Variants in ARL5C observed in about 807,000 individuals in gnomAD.
ARL5C encodes the protein putative ADP-ribosylation factor-like protein 5C.
A neutral mutation model predicts 20.8 loss-of-function variants in ARL5C; 21 were observed. That is an observed-to-expected ratio of 1.01 (90% CI 0.72 to 1.46). The LOEUF (loss-of-function observed/expected upper bound fraction) is 1.46, where lower values mean the gene tolerates loss of function less well. ARL5C is among the 40% of genes most tolerant of loss of function. ARL5C has a pLI of 0.00. For missense variants in ARL5C, 199 were observed against 225.1 expected (o/e 0.88, Z 0.74); for synonymous variants, 71 against 81.6 (o/e 0.87, Z 0.70).
chr17:39,157,854 GA>G (rs1387346049), intron 5 of ARL5C, among the ~76,000 whole-genome samples: 16 of 151,854 alleles, frequency 1.1e-4, no homozygotes, highest in Admixed American at 1.0e-3. Flanking sequence ...AGCACTTTGG[GA>G]GGCCGAGGCG....
At chr17:39,164,309 A>C (rs1421360387) in intron 2 of ARL5C, 1 of 152,242 alleles carries the variant, frequency 6.6e-6, no homozygotes, top group East Asian at 1.9e-4. Context: ...GCAAGAGTTT[A>C]GAAAAATGAG....
intron 5 of ARL5C, among the ~76,000 whole-genome samples, chr17:39,159,184 A>C (rs1385141906): frequency 2.2e-5 from 3 of 136,750 alleles, no homozygotes; most frequent in African/African-American, 8.4e-5. Flanking sequence ...GGTGTGTGCC[A>C]CCACATCCAG....
At chr17:39,165,591 C>A in intron 1 of ARL5C, 124 bp downstream of exon 1, 1 of 1,256,540 alleles carries the variant, frequency 8.0e-7, no homozygotes, top group South Asian at 1.4e-5. Context: ...GCGGGGCAGT[C>A]GAGGAGCGCC....
chr17:39,161,903 G>A (rs2045437187), intron 3 of ARL5C, among the ~76,000 whole-genome samples: 1 of 152,164 alleles, frequency 6.6e-6, no homozygotes, highest in Admixed American at 6.5e-5. Context: ...GGGTGTTCAT[G>A]ACTCCATTTA....
chr17:39,158,107 AGGAG>A (rs371365476), intron 5 of ARL5C, among the ~76,000 whole-genome samples: 9,641 of 117,084 alleles, frequency 0.082, 422 homozygotes, highest in Middle Eastern at 0.17. Context: ...AAGAAAGGGA[AGGAG>A]GGAGGGAGGG....
chr17:39,159,669 G>C (rs772117045), intron 5 of ARL5C, among the ~76,000 whole-genome samples: 1 of 152,190 alleles, frequency 6.6e-6, no homozygotes, highest in Non-Finnish European at 1.5e-5. Flanking sequence ...AGCTCCGTGA[G>C]GGCAGGGATT....
In ARL5C at chr17:39,165,846, G is replaced by A. The variant is rs1032788881; in HGVS notation, c.-86C>T. 3 of 1,479,682 alleles carry A rather than the reference G, an allele frequency of 2.0e-6. No individual in the cohort carries two copies. Among genetic ancestry groups the A allele is most frequent in the Admixed American group, 4.0e-5 (2 of 50,424 alleles). The allele number at this position is 1,479,682 out of a possible 1,614,324, so 91.7% of individuals were successfully genotyped here. A position where few individuals can be genotyped will look rare whatever the true frequency, so the allele number is the denominator to read the frequency against. On this transcript the variant is annotated 5_prime_UTR_variant, in exon 1 of 6. Transcript: ENST00000269586. Reference sequence around the variant, plus strand: ...CTGGTATTCGGAGCTCCGCTCCCCCGGGAGGGTCTGGCAGATTTTGCCTAC... The same window carrying A: ...CTGGTATTCGGAGCTCCGCTCCCCCAGGAGGGTCTGGCAGATTTTGCCTAC...
chr17:39,160,848 G>A lies in ARL5C; in HGVS notation c.340-106C>T, dbSNP rs892694662. 7.3e-6 allele frequency: 10 copies of A among 1,374,764 alleles called. No individual in the cohort carries two copies. The African/African-American group carries it at 1.0e-4, about 14-fold the overall frequency. The allele number at this position is 1,374,764 out of a possible 1,614,324, so 85.2% of individuals were successfully genotyped here. On this transcript the variant is annotated intron_variant, in intron 4 of 5. Transcript: ENST00000269586. Reference sequence around the variant, plus strand: ...TCCCTCTCCAGCTGTCCCAGGAAGAGAGGCCCATGCCTGGATGGGGCAGAG... The same window carrying A: ...TCCCTCTCCAGCTGTCCCAGGAAGAAAGGCCCATGCCTGGATGGGGCAGAG...
At chr17:39,160,476 C>T in intron 5 of ARL5C, 115 bp downstream of exon 5, 5 of 1,369,822 alleles carry the variant, frequency 3.7e-6, no homozygotes, top group South Asian at 1.4e-5. Flanking sequence ...TGGCTTGGCC[C>T]AGGAGCCAAC....
At chr17:39,158,107 AGGAGGGAGGGAG>A (rs371365476) in intron 5 of ARL5C, among the ~76,000 whole-genome samples, 25 of 117,196 alleles carry the variant, frequency 2.1e-4, no homozygotes, top group South Asian at 3.1e-4. Flanking sequence ...AAGAAAGGGA[AGGAGGGAGGGAG>A]GGAGGGAGGG....
chr17:39,156,895 C>T lies in ARL5C; in HGVS notation c.539G>A (p.Ter180=). The T allele has an allele frequency of 1.3e-6, 2 of 1,551,836 alleles. No homozygotes were observed. Among genetic ancestry groups the T allele is most frequent in the Non-Finnish European group, 1.7e-6 (2 of 1,146,980 alleles). Residue 180 remains the stop codon, a stop_retained_variant, in exon 6 of 6, where the codon TGA becomes TAA. Coordinates refer to ENST00000269586, the MANE Select transcript of ARL5C (RefSeq NM_001143968.1). The stretch of plus-strand genomic sequence containing the variant: ...TCTGGTTGACCTCAGACTGGAACAT[C>T]AGTTAGCAGCGGCCTGAGATTCCAT... ...QWMESQAAAN[*]
In ARL5C at chr17:39,166,086, G is replaced by A. The variant is rs2045462339; in HGVS notation, c.-326C>T. ...TGGACTGCTCCACTACCGCAAATCAGGGGAGACTCAGCACTGCGCGCGGAA... is the reference window on the plus strand; with the variant it reads ...TGGACTGCTCCACTACCGCAAATCAAGGGAGACTCAGCACTGCGCGCGGAA... On this transcript the variant is annotated 5_prime_UTR_variant, in exon 1 of 6. Transcript: ENST00000269586. 2.6e-6 allele frequency: 1 copy of A among 388,746 alleles called. No homozygotes were observed. The highest frequency in any genetic ancestry group is 4.8e-6 in the Non-Finnish European group (1 of 207,098). 24.1% of individuals were successfully genotyped at this position (388,746 alleles called of 1,614,324 possible). A position where few individuals can be genotyped will look rare whatever the true frequency, so the allele number is the denominator to read the frequency against.
Position 39,165,894 on chromosome 17 carries a change from T to C in ARL5C, c.-134A>G. The C allele has an allele frequency of 3.9e-6, 4 of 1,023,272 alleles. No individual in the cohort carries two copies. The highest frequency in any genetic ancestry group is 5.8e-6 in the Non-Finnish European group (4 of 689,086). The allele number at this position is 1,023,272 out of a possible 1,614,324, so 63.4% of individuals were successfully genotyped here. On this transcript the variant is annotated 5_prime_UTR_variant, in exon 1 of 6. Transcript: ENST00000269586. ...TACGAAGTTAGGGAAGCCCCACACG[T>C]CACCAACCTGACCTGGGAACCCTCT...
intron 5 of ARL5C, among the ~76,000 whole-genome samples, chr17:39,157,380 G>A (rs2045410531): frequency 6.6e-6 from 1 of 152,164 alleles, no homozygotes; most frequent in Admixed American, 6.5e-5. Flanking sequence ...GGTTCCCTAC[G>A]CAAGTTCCCC....
chr17:39,159,053 A>C (rs1270599254), intron 5 of ARL5C, among the ~76,000 whole-genome samples: 1 of 56,604 alleles, frequency 1.8e-5, no homozygotes, highest in African/African-American at 6.4e-5. Flanking sequence ...TTTTTTTGAG[A>C]CAGGATCTTG....
At chr17:39,162,967 C>T in intron 2 of ARL5C, 109 bp from the exon 3 acceptor site, 1 of 1,326,146 alleles carries the variant, frequency 7.5e-7, no homozygotes, top group South Asian at 1.5e-5. Flanking sequence ...AACAAGTCCA[C>T]CCAGGTTCAC....
chr17:39,161,167 GA>G, intron 4 of ARL5C, 100 bp downstream of exon 4: 1 of 1,173,952 alleles, frequency 8.5e-7, no homozygotes, highest in Non-Finnish European at 1.2e-6. Flanking sequence ...GAGGCTCTCA[GA>G]AACTGGGACA....
intron 2 of ARL5C, 123 bp from the exon 3 acceptor site, chr17:39,162,981 A>C: frequency 8.3e-7 from 1 of 1,204,092 alleles, no homozygotes; most frequent in Non-Finnish European, 1.1e-6. Flanking sequence ...GGTTCACCAA[A>C]CACCTGCTCG....
At chr17:39,163,681 C>CTTGCTCAGCCCTTTGTT in intron 2 of ARL5C, among the ~76,000 whole-genome samples, 3 of 149,828 alleles carry the variant, frequency 2.0e-5, no homozygotes, top group Admixed American at 6.6e-5. Context: ...CATGAGCCAC[C>CTTGCTCAGCCCTTTGTT]GCATCCGGCC....
Sources: allele counts gnomAD v4.1 joint callset (sites outside exome capture counted in the v4.1 genomes callset), GRCh38; gene constraint gnomAD v4.1.1; transcripts MANE v1.5; gene names NCBI Gene and HGNC (gene_info 2026-07-23, HGNC 2026-07-21).